Variants in ZSWIM6 observed in about 807,000 individuals in gnomAD.
ZSWIM6 encodes the protein zinc finger SWIM domain-containing protein 6.
ZSWIM6 carries 9 observed loss-of-function variants against 113.2 expected under a neutral mutation model. The observed-to-expected ratio is 0.08, with a 90% confidence interval of 0.05 to 0.14. The LOEUF is 0.14. ZSWIM6 is among the 10% of genes least tolerant of loss of function. The pLI, the probability that ZSWIM6 is intolerant of heterozygous loss-of-function variation, is 1.00. For synonymous variants in ZSWIM6, 611 were observed against 606.5 expected (o/e 1.01, Z -0.11); for missense variants, 1,162 against 1,552.2 (o/e 0.75, Z 4.22).
chr5:61,342,037 G>A (rs1357940881), intron 1 of ZSWIM6, among the ~76,000 whole-genome samples: 2 of 151,792 alleles, frequency 1.3e-5, no homozygotes, highest in African/African-American at 2.4e-5. Context: ...GCGCCATGAC[G>A]CCTGGCTAAC....
chr5:61,394,676 G>T (rs1008593654), intron 1 of ZSWIM6, among the ~76,000 whole-genome samples: 2 of 152,192 alleles, frequency 1.3e-5, no homozygotes, highest in Admixed American at 1.3e-4. Flanking sequence ...CTTGGATTCA[G>T]TAATGGCAAA....
intron 1 of ZSWIM6, among the ~76,000 whole-genome samples, chr5:61,456,370 A>G (rs1320168527): frequency 1.3e-5 from 2 of 152,190 alleles, no homozygotes; most frequent in Non-Finnish European, 2.9e-5. Context: ...TTCTTGGTTA[A>G]CAAAATGCTG....
At chr5:61,365,493 C>T (rs1210282374) in intron 1 of ZSWIM6, among the ~76,000 whole-genome samples, 3 of 152,156 alleles carry the variant, frequency 2.0e-5, no homozygotes, top group Non-Finnish European at 4.4e-5. Flanking sequence ...GATATAGTTG[C>T]TGTAATAAGA....
intron 1 of ZSWIM6, among the ~76,000 whole-genome samples, chr5:61,354,838 CTTA>C (rs577984066): frequency 3.9e-4 from 59 of 152,244 alleles, no homozygotes; most frequent in South Asian, 3.1e-3. Context: ...TATTCAGTGA[CTTA>C]TTATATATTC....
At position 61,359,996 on chromosome 5, in the gene ZSWIM6, CAGAG is replaced by C. The variant is rs146077379; in HGVS notation, c.676+27069_676+27072del. On this transcript the variant is annotated intron_variant, in intron 1 of 13. Transcript: ENST00000252744. ...GGAGGGTAATGTTGGACCAGAAAAG[CAGAG>C]AGAGAGAGAGAGAGAGAGAGGGAGA... Among the ~76,000 whole-genome samples the C allele has an allele frequency of 2.8e-3, 419 of 147,452 alleles. 4 individuals are homozygous for C. Among genetic ancestry groups the C allele is most frequent in the South Asian group, 0.023 (108 of 4,652 alleles).
At chr5:61,462,790 T>C (rs540579973) in intron 1 of ZSWIM6, among the ~76,000 whole-genome samples, 1 of 152,318 alleles carries the variant, frequency 6.6e-6, no homozygotes, top group South Asian at 2.1e-4. Flanking sequence ...ACAAAATAGG[T>C]ATTATTATCC....
intron 2 of ZSWIM6, among the ~76,000 whole-genome samples, chr5:61,483,080 G>A (rs1747921332): frequency 6.6e-6 from 1 of 152,138 alleles, no homozygotes; most frequent in Admixed American, 6.6e-5. Flanking sequence ...ATAAAGAAAA[G>A]GAAGTTATTT....
At chr5:61,448,262 C>T (rs1414921641) in intron 1 of ZSWIM6, among the ~76,000 whole-genome samples, 1 of 152,080 alleles carries the variant, frequency 6.6e-6, no homozygotes, top group East Asian at 1.9e-4. Flanking sequence ...GAAAATAATA[C>T]GTATTTTATT....
At position 61,485,286 on chromosome 5, in the gene ZSWIM6, T is replaced by C. The variant is rs370251163; in HGVS notation, c.1034-5500T>C. On this transcript the variant is annotated intron_variant, in intron 2 of 13. Transcript: ENST00000252744. Reference sequence around the variant, plus strand: ...TTCCTAAGAGGCCACTCATTTCCTTTGACATCCTTGCTCATTTACTTATGC... The same window carrying C: ...TTCCTAAGAGGCCACTCATTTCCTTCGACATCCTTGCTCATTTACTTATGC... Among the ~76,000 whole-genome samples the C allele has an allele frequency of 4.3e-4, 66 of 152,308 alleles. No individual in the cohort carries two copies. The East Asian group carries it at 0.01, about 24-fold the overall frequency.
At chr5:61,494,767 G>C (rs1039300115) in intron 4 of ZSWIM6, among the ~76,000 whole-genome samples, 6 of 152,080 alleles carry the variant, frequency 3.9e-5, no homozygotes, top group African/African-American at 1.4e-4. Flanking sequence ...CTAAAATTTA[G>C]AGTCTTTCTT....
chr5:61,332,907 C>T lies in ZSWIM6; in HGVS notation c.635C>T (p.Ala212Val). ...ETRLPFRRGI[A>V]LLESGCVDNV... ...CGGCTGCCTTTCCGCCGGGGCATCG[C>T]GCTGTTGGAAAGCGGCTGCGTAGAC... The change falls in exon 1 of 14, where the codon GCG becomes GTG. Residue 212 changes from alanine to valine, a missense_variant. By Grantham distance (64) the Ala-to-Val change is moderately conservative. Transcript: ENST00000252744. 6 of 1,352,578 alleles carry T rather than the reference C, an allele frequency of 4.4e-6. No homozygotes were observed. Among genetic ancestry groups the T allele is most frequent in the Non-Finnish European group, 4.8e-6 (5 of 1,040,390 alleles). The allele number at this position is 1,352,578 out of a possible 1,614,324, so 83.8% of individuals were successfully genotyped here.
At chr5:61,503,878 T>A (rs1748535949) in intron 4 of ZSWIM6, among the ~76,000 whole-genome samples, 1 of 152,210 alleles carries the variant, frequency 6.6e-6, no homozygotes. Flanking sequence ...TTTAAACTAA[T>A]GTCATACCCA....
intron 1 of ZSWIM6, chr5:61,375,906 A>C: frequency 1.3e-6 from 1 of 791,194 alleles, no homozygotes; most frequent in Non-Finnish European, 2.0e-6. Flanking sequence ...TGTCTGAGGA[A>C]ATTTCAACTG....
At chr5:61,481,204 A>C (rs529435173) in intron 2 of ZSWIM6, among the ~76,000 whole-genome samples, 1 of 152,298 alleles carries the variant, frequency 6.6e-6, no homozygotes, top group South Asian at 2.1e-4. Context: ...CTAAGTCTTC[A>C]ATTAGAAGTC....
intron 8 of ZSWIM6, 34 bp downstream of exon 8, chr5:61,530,232 C>T: frequency 6.6e-7 from 1 of 1,524,036 alleles, no homozygotes; most frequent in Non-Finnish European, 8.8e-7. Flanking sequence ...ATGTGCTTTT[C>T]TTTTTCTAAA....
intron 1 of ZSWIM6, among the ~76,000 whole-genome samples, chr5:61,454,567 G>GTTTT (rs35249460): frequency 8.6e-5 from 11 of 128,226 alleles, no homozygotes; most frequent in Non-Finnish European, 9.7e-5. Context: ...CTATCCCTAA[G>GTTTT]TTTTTTTTTT....
At chr5:61,513,276 C>G (rs13170519) in intron 4 of ZSWIM6, among the ~76,000 whole-genome samples, 20,276 of 151,930 alleles carry the variant, frequency 0.13, 1,439 homozygotes, top group Middle Eastern at 0.18. Flanking sequence ...TAAGTTTCCT[C>G]TATGTGTTTT....
intron 1 of ZSWIM6, among the ~76,000 whole-genome samples, chr5:61,348,444 A>G (rs1313253125): frequency 6.6e-6 from 1 of 152,142 alleles, no homozygotes; most frequent in Non-Finnish European, 1.5e-5. Context: ...TCTTGTATAA[A>G]AACTTTTCAC....
intron 7 of ZSWIM6, among the ~76,000 whole-genome samples, chr5:61,526,890 A>G (rs1357873023): frequency 1.3e-5 from 2 of 152,176 alleles, no homozygotes; most frequent in South Asian, 2.1e-4. Flanking sequence ...AGAAGATTAA[A>G]CCAAGTTAAT....
Sources: gnomAD v4.1 joint callset for allele counts (sites outside exome capture counted in the v4.1 genomes callset) on GRCh38, gnomAD v4.1.1 for gene constraint, MANE v1.5 for transcripts, NCBI Gene and HGNC (gene_info 2026-07-23, HGNC 2026-07-21) for gene names.